TBXAS1: variants seen among roughly 807,000 people sequenced by gnomAD.
TBXAS1 encodes thromboxane-A synthase.
A neutral mutation model predicts 60.7 loss-of-function variants in TBXAS1; 48 were observed. That is an observed-to-expected ratio of 0.79 (90% CI 0.63 to 1.01). The LOEUF is 1.01. TBXAS1 is among the 50% of genes least tolerant of loss of function. TBXAS1 has a pLI of 0.00. For missense variants in TBXAS1, 685 were observed against 686.3 expected (o/e 1.00, Z 0.02); for synonymous variants, 287 against 269.7 (o/e 1.06, Z -0.63).
At chr7:139,819,806 C>A (rs1334233507) in intron 4 of TBXAS1, among the ~76,000 whole-genome samples, 1 of 151,942 alleles carries the variant, frequency 6.6e-6, no homozygotes, top group African/African-American at 2.4e-5. Context: ...CTCAGCCTCC[C>A]CAACTCAGCT....
At chr7:139,957,475 C>T in intron 7 of TBXAS1, 159 bp from the exon 8 acceptor site, 1 of 861,368 alleles carries the variant, frequency 1.2e-6, no homozygotes, top group Non-Finnish European at 1.9e-6. Context: ...GGGAGTGAGA[C>T]ATCACCCCTG....
At chr7:139,849,625 A>C (rs1406959285) in intron 1 of TBXAS1, among the ~76,000 whole-genome samples, 1 of 152,146 alleles carries the variant, frequency 6.6e-6, no homozygotes, top group Non-Finnish European at 1.5e-5. Flanking sequence ...AATAGAGGGA[A>C]GGGTCTGACT....
intron 10 of TBXAS1, among the ~76,000 whole-genome samples, chr7:140,008,712 G>C (rs997360516): frequency 2.6e-5 from 4 of 152,138 alleles, no homozygotes; most frequent in African/African-American, 9.7e-5. Context: ...GCCTCCCAAA[G>C]TGCTGGGATT....
At chr7:139,969,704 C>T (rs1003090115) in intron 9 of TBXAS1, among the ~76,000 whole-genome samples, 2 of 152,162 alleles carry the variant, frequency 1.3e-5, no homozygotes, top group African/African-American at 2.4e-5. Flanking sequence ...AGGTTTCCTC[C>T]CCTTTGCCCA....
chr7:139,938,176 T>C (rs1403464085), intron 5 of TBXAS1, among the ~76,000 whole-genome samples: 3 of 152,116 alleles, frequency 2.0e-5, no homozygotes, highest in Non-Finnish European at 4.4e-5. Flanking sequence ...ATGTGCTCAA[T>C]TCCTTCCTCC....
chr7:139,841,827 C>A (rs142701196), intron 1 of TBXAS1, among the ~76,000 whole-genome samples: 1 of 152,094 alleles, frequency 6.6e-6, no homozygotes, highest in Non-Finnish European at 1.5e-5. Context: ...TAGGCTAAAC[C>A]CTTACTGCAG....
chr7:139,779,424 C>T (rs1796905495), intron 1 of TBXAS1, among the ~76,000 whole-genome samples: 1 of 152,226 alleles, frequency 6.6e-6, no homozygotes, highest in South Asian at 2.1e-4. Context: ...TTCACGTTTG[C>T]AGAATCCTAG....
chr7:139,893,750 A>T (rs1803848967), intron 3 of TBXAS1, among the ~76,000 whole-genome samples: 1 of 152,202 alleles, frequency 6.6e-6, no homozygotes, highest in African/African-American at 2.4e-5. Flanking sequence ...TGAGATATAC[A>T]TATATACCCA....
chr7:139,890,632 C>T (rs1458535459), intron 3 of TBXAS1, among the ~76,000 whole-genome samples: 2 of 152,156 alleles, frequency 1.3e-5, no homozygotes, highest in Non-Finnish European at 2.9e-5. Flanking sequence ...CAGCATTTTA[C>T]TCCTAAAGAA....
At chr7:140,017,179 C>T (rs925138051) in intron 11 of TBXAS1, among the ~76,000 whole-genome samples, 1 of 152,146 alleles carries the variant, frequency 6.6e-6, no homozygotes, top group Admixed American at 6.5e-5. Flanking sequence ...CAGTGTGGCC[C>T]AAGAGACCTG....
At chr7:139,807,931 C>T (rs1411800594) in intron 4 of TBXAS1, among the ~76,000 whole-genome samples, 4 of 152,112 alleles carry the variant, frequency 2.6e-5, no homozygotes, top group Admixed American at 2.0e-4. Context: ...TTCCCATCAC[C>T]GCCAATCTCA....
intron 5 of TBXAS1, 113 bp downstream of exon 5, chr7:139,936,420 GC>G (rs1467635307): frequency 9.3e-7 from 1 of 1,080,906 alleles, no homozygotes; most frequent in Non-Finnish European, 1.4e-6. Context: ...ACATCAAAAT[GC>G]CTTTCCCACT....
At chr7:139,936,560 G>A (rs79972105) in intron 5 of TBXAS1, among the ~76,000 whole-genome samples, 2,143 of 152,210 alleles carry the variant, frequency 0.014, 47 homozygotes, top group African/African-American at 0.049. Flanking sequence ...CAGGGCATTC[G>A]CCTGTGTCCA....
intron 5 of TBXAS1, among the ~76,000 whole-genome samples, chr7:139,939,995 C>T (rs532194145): frequency 2.6e-5 from 4 of 152,330 alleles, no homozygotes; most frequent in South Asian, 2.1e-4. Flanking sequence ...TTCCCGCACC[C>T]GCGGAATCAA....
At chr7:139,948,892 A>G (rs1808970364) in intron 5 of TBXAS1, among the ~76,000 whole-genome samples, 1 of 152,270 alleles carries the variant, frequency 6.6e-6, no homozygotes, top group Non-Finnish European at 1.5e-5. Context: ...ACCTGAAATG[A>G]TGGCTATTGG....
chr7:140,002,514 C>G (rs1045006441), intron 9 of TBXAS1, among the ~76,000 whole-genome samples: 1 of 151,800 alleles, frequency 6.6e-6, no homozygotes, highest in Non-Finnish European at 1.5e-5. Context: ...CCCTGCTATT[C>G]CTGAAAGCTG....
In TBXAS1 at chr7:139,868,839, G is replaced by C. The variant is rs541378548; in HGVS notation, c.90-3396G>C. Among the ~76,000 whole-genome samples the C allele has an allele frequency of 2.0e-5, 3 of 151,530 alleles. No individual in the cohort carries two copies. The East Asian group carries it at 5.8e-4, about 29-fold the overall frequency. On this transcript the variant is annotated intron_variant, in intron 1 of 12. Coordinates refer to ENST00000448866, the MANE Select transcript of TBXAS1 (RefSeq NM_001061.7). ...CTTTTGTATTTTTTTTTTTAGTAGA[G>C]ATGAGGTTTTGCCATGTTGGCCAGG...
intron 4 of TBXAS1, among the ~76,000 whole-genome samples, chr7:139,812,019 C>A (rs2116402821): frequency 6.6e-6 from 1 of 152,330 alleles, no homozygotes; most frequent in East Asian, 1.9e-4. Flanking sequence ...ATTCAAGGCT[C>A]TGAAATGCTG....
intron 9 of TBXAS1, among the ~76,000 whole-genome samples, chr7:139,981,987 T>C (rs1414504976): frequency 1.3e-5 from 2 of 152,260 alleles, no homozygotes; most frequent in Admixed American, 6.5e-5. Flanking sequence ...ATGATCATAT[T>C]AAAACACAAA....
Sources: allele counts gnomAD v4.1 joint callset (sites outside exome capture counted in the v4.1 genomes callset), GRCh38; gene constraint gnomAD v4.1.1; transcripts MANE v1.5; gene names NCBI Gene and HGNC (gene_info 2026-07-23, HGNC 2026-07-21).